The following PLPP4 variants were observed in gnomAD, a reference collection of about 807,000 sequenced individuals.
PLPP4 encodes the protein diacylglycerol pyrophosphate like 2.
In PLPP4, 20 loss-of-function variants were observed where a neutral mutation model predicts 32.2. The observed-to-expected ratio is 0.62, with a 90% CI of 0.44 to 0.90. The LOEUF is 0.90. Ranked by LOEUF, PLPP4 falls within the 40% of genes least tolerant of loss-of-function variation. PLPP4 has a pLI of 0.00. For missense variants in PLPP4, 257 were observed against 353.1 expected, an observed-to-expected ratio of 0.73 and a Z score of 2.18; for synonymous variants, 127 against 133.0, an observed-to-expected ratio of 0.95 and a Z score of 0.31.
intron 1 of PLPP4, among the ~76,000 whole-genome samples, chr10:120,461,108 T>C (rs1848025390): frequency 6.6e-6 from 1 of 152,224 alleles, no homozygotes; most frequent in South Asian, 2.1e-4. Flanking sequence ...ACTGTAGCTC[T>C]AAAATCTCAT....
chr10:120,567,403 C>T (rs1045763350), intron 5 of PLPP4, among the ~76,000 whole-genome samples: 1 of 152,164 alleles, frequency 6.6e-6, no homozygotes, highest in African/African-American at 2.4e-5. Context: ...TCACACATAT[C>T]AAGTCTTTGG....
intron 1 of PLPP4, among the ~76,000 whole-genome samples, chr10:120,498,329 A>G (rs1564796905): frequency 3.3e-5 from 5 of 152,222 alleles, no homozygotes. Flanking sequence ...TTTTGAGGTG[A>G]GACTGGCACT....
intron 1 of PLPP4, among the ~76,000 whole-genome samples, chr10:120,489,164 G>A (rs753031542): frequency 6.6e-6 from 1 of 152,226 alleles, no homozygotes; most frequent in African/African-American, 2.4e-5. Context: ...GAGTGCAGCA[G>A]GGCTGATATA....
At chr10:120,566,419 G>A (rs1848692972) in intron 5 of PLPP4, among the ~76,000 whole-genome samples, 1 of 152,104 alleles carries the variant, frequency 6.6e-6, no homozygotes, top group South Asian at 2.1e-4. Flanking sequence ...AGCATGAATT[G>A]GATAGCAAAA....
chr10:120,563,045 G>A (rs1468600051), intron 5 of PLPP4, among the ~76,000 whole-genome samples: 1 of 152,204 alleles, frequency 6.6e-6, no homozygotes, highest in African/African-American at 2.4e-5. Flanking sequence ...TTTGAGACCA[G>A]CCTGGCCAAA....
intron 1 of PLPP4, among the ~76,000 whole-genome samples, chr10:120,501,828 A>G (rs1845267515): frequency 6.6e-6 from 1 of 152,222 alleles, no homozygotes; most frequent in Non-Finnish European, 1.5e-5. Flanking sequence ...GGTGTTTTCT[A>G]GAAGGTTCTG....
chr10:120,560,216 T>A (rs907635343), intron 5 of PLPP4, among the ~76,000 whole-genome samples: 1 of 151,648 alleles, frequency 6.6e-6, no homozygotes, highest in African/African-American at 2.4e-5. Context: ...TGGAGAAAAG[T>A]CATGACATTA....
At chr10:120,474,650 T>C (rs1304040228) in intron 1 of PLPP4, among the ~76,000 whole-genome samples, 1 of 152,188 alleles carries the variant, frequency 6.6e-6, no homozygotes, top group Admixed American at 6.5e-5. Flanking sequence ...ATGTGAAACA[T>C]TGATGCTTTG....
intron 1 of PLPP4, among the ~76,000 whole-genome samples, chr10:120,463,879 A>T (rs1848192078): frequency 6.6e-6 from 1 of 152,076 alleles, no homozygotes; most frequent in African/African-American, 2.4e-5. Context: ...CAGTGGCATG[A>T]TCACCACTTA....
intron 1 of PLPP4, among the ~76,000 whole-genome samples, chr10:120,486,463 C>G (rs1280620525): frequency 6.6e-6 from 1 of 152,152 alleles, no homozygotes; most frequent in Non-Finnish European, 1.5e-5. Context: ...CCCTGAAAGC[C>G]TCAGTTTGAC....
chr10:120,565,757 T>C (rs894834334), intron 5 of PLPP4, among the ~76,000 whole-genome samples: 3 of 152,178 alleles, frequency 2.0e-5, no homozygotes, highest in African/African-American at 4.8e-5. Flanking sequence ...TGAATATTTC[T>C]TCTTCTCCAT....
chr10:120,514,144 A>G, intron 3 of PLPP4, 143 bp downstream of exon 3: 1 of 715,940 alleles, frequency 1.4e-6, no homozygotes, highest in South Asian at 1.6e-5. Flanking sequence ...ATAAAGATAA[A>G]CTTTAAGCCC....
chr10:120,559,404 A>G (rs1848316453), intron 5 of PLPP4, among the ~76,000 whole-genome samples: 1 of 151,500 alleles, frequency 6.6e-6, no homozygotes, highest in Non-Finnish European at 1.5e-5. Flanking sequence ...TATAATCCTT[A>G]TTAAAGAAAG....
chr10:120,480,867 C>G (rs1392625408), intron 1 of PLPP4, among the ~76,000 whole-genome samples: 2 of 152,226 alleles, frequency 1.3e-5, no homozygotes, highest in African/African-American at 4.8e-5. Context: ...CCAAGTTGGG[C>G]TCTACTTTAT....
chr10:120,541,768 A>C (rs1847350831), intron 5 of PLPP4, among the ~76,000 whole-genome samples: 1 of 114,516 alleles, frequency 8.7e-6, no homozygotes, highest in Non-Finnish European at 1.8e-5. Flanking sequence ...ATGAAGTGCC[A>C]TTTAAGTCAT....
intron 1 of PLPP4, among the ~76,000 whole-genome samples, chr10:120,502,232 G>A (rs1051170047): frequency 3.9e-5 from 6 of 152,182 alleles, no homozygotes; most frequent in Non-Finnish European, 7.3e-5. Context: ...AGGCAGAGGC[G>A]CTGGGGGCCC....
chr10:120,587,046 A>G (rs1411936157), intron 6 of PLPP4, among the ~76,000 whole-genome samples: 1 of 152,156 alleles, frequency 6.6e-6, no homozygotes, highest in Non-Finnish European at 1.5e-5. Flanking sequence ...ATAGAAATTG[A>G]TTAGGGGAAG....
intron 4 of PLPP4, among the ~76,000 whole-genome samples, chr10:120,519,804 T>C (rs1052882433): frequency 5.3e-5 from 8 of 152,160 alleles, no homozygotes; most frequent in Admixed American, 4.6e-4. Flanking sequence ...TTTCCAACAT[T>C]AGCTAAACTT....
chr10:120,457,200 G>T (rs1847816003), upstream of PLPP4: 2 of 842,978 alleles, frequency 2.4e-6, no homozygotes, highest in Non-Finnish European at 3.1e-6. Flanking sequence ...CCGCGGCCTG[G>T]AGCGCGCCTC....
Sources: allele counts gnomAD v4.1 joint callset (sites outside exome capture counted in the v4.1 genomes callset), GRCh38; gene constraint gnomAD v4.1.1; transcripts MANE v1.5; gene names NCBI Gene and HGNC (gene_info 2026-07-23, HGNC 2026-07-21).